The following SGPP2 variants were observed in gnomAD, a reference collection of about 807,000 sequenced individuals.
The protein encoded by SGPP2 is sphingosine 1-phosphate phosphohydrolase 2.
Under a neutral mutation model 33.9 loss-of-function variants are expected in SGPP2, and 30 were observed. That is an observed-to-expected ratio of 0.89 (90% confidence interval 0.66 to 1.20). The LOEUF is 1.20. Among genes scored for constraint, SGPP2 ranks in the 50% most tolerant of loss-of-function variants. SGPP2 has a pLI of 0.00. For synonymous variants in SGPP2, 233 were observed against 225.0 expected, an observed-to-expected ratio of 1.04 and a Z score of -0.32; for missense variants, 458 against 532.1, an observed-to-expected ratio of 0.86 and a Z score of 1.37.
intron 4 of SGPP2, among the ~76,000 whole-genome samples, chr2:222,545,697 T>A (rs1017322724): frequency 6.6e-6 from 1 of 152,170 alleles, no homozygotes; most frequent in African/African-American, 2.4e-5. Flanking sequence ...CAAATACAAT[T>A]GAAAAAGGGA....
At chr2:222,553,429 T>A (rs1322595885) in intron 4 of SGPP2, among the ~76,000 whole-genome samples, 1 of 152,198 alleles carries the variant, frequency 6.6e-6, no homozygotes, top group East Asian at 1.9e-4. Flanking sequence ...GAAGATAGGT[T>A]AATGAAACCC....
chr2:222,486,447 G>A (rs1698109955), intron 2 of SGPP2, among the ~76,000 whole-genome samples: 1 of 152,140 alleles, frequency 6.6e-6, no homozygotes, highest in South Asian at 2.1e-4. Flanking sequence ...CCACAATATG[G>A]CTGCTTATGA....
rs186361005 is a variant in SGPP2, at chr2:222,530,726, T to C, written c.648+5693T>C. Among the ~76,000 whole-genome samples, 1,080 of 152,342 alleles carry C rather than the reference T, an allele frequency of 7.1e-3. 10 individuals carry two copies. Among genetic ancestry groups the C allele is most frequent in the African/African-American group, 0.024 (998 of 41,570 alleles). On this transcript the variant is annotated intron_variant, in intron 4 of 4. Coordinates refer to ENST00000321276, the MANE Select transcript of SGPP2 (RefSeq NM_152386.4). The stretch of plus-strand genomic sequence containing the variant: ...TTTAATTTTCTTATAATTCATGTAT[T>C]CATTGGAGTAGCACTTTTAATTGCC...
At chr2:222,521,088 C>T (rs1698679275) in intron 2 of SGPP2, among the ~76,000 whole-genome samples, 1 of 152,184 alleles carries the variant, frequency 6.6e-6, no homozygotes, top group Admixed American at 6.5e-5. Context: ...CTGAAAATAC[C>T]CATGCCATTT....
intron 4 of SGPP2, among the ~76,000 whole-genome samples, chr2:222,545,589 A>T (rs537797315): frequency 6.6e-6 from 1 of 152,206 alleles, no homozygotes; most frequent in South Asian, 2.1e-4. Flanking sequence ...GCCTTCAAAG[A>T]GCTTATGTCT....
chr2:222,453,524 G>C (rs1697525023), intron 1 of SGPP2, among the ~76,000 whole-genome samples: 2 of 151,700 alleles, frequency 1.3e-5, no homozygotes, highest in Non-Finnish European at 2.9e-5. Context: ...CCCTAAGACA[G>C]CAAAACCAAC....
At chr2:222,450,983 C>T (rs1316014857) in intron 1 of SGPP2, among the ~76,000 whole-genome samples, 1 of 151,950 alleles carries the variant, frequency 6.6e-6, no homozygotes, top group Non-Finnish European at 1.5e-5. Context: ...TAAACAACAA[C>T]CTCTTTGTGA....
intron 2 of SGPP2, among the ~76,000 whole-genome samples, chr2:222,508,864 T>C (rs1006203614): frequency 2.0e-5 from 3 of 152,322 alleles, no homozygotes; most frequent in Admixed American, 1.3e-4. Context: ...TGAGTAGCAC[T>C]GTACTAGTTT....
At chr2:222,556,916 CT>C (rs1192505340) in intron 4 of SGPP2, among the ~76,000 whole-genome samples, 1 of 150,754 alleles carries the variant, frequency 6.6e-6, no homozygotes, top group South Asian at 2.1e-4. Flanking sequence ...ACTCTTACTC[CT>C]TCCCTATCCA....
chr2:222,533,973 T>C (rs1248321760), intron 4 of SGPP2, among the ~76,000 whole-genome samples: 2 of 152,026 alleles, frequency 1.3e-5, no homozygotes, highest in Admixed American at 6.6e-5. Flanking sequence ...GTGGCTCTGA[T>C]TGGCAGCAAA....
At chr2:222,503,946 C>T (rs560386321) in intron 2 of SGPP2, 1 of 152,134 alleles carries the variant, frequency 6.6e-6, no homozygotes, top group South Asian at 2.1e-4. Flanking sequence ...TATGGTCATA[C>T]CAAAAAAACA....
At chr2:222,453,794 G>T (rs1054533306) in intron 1 of SGPP2, among the ~76,000 whole-genome samples, 1 of 152,082 alleles carries the variant, frequency 6.6e-6, no homozygotes, top group Non-Finnish European at 1.5e-5. Flanking sequence ...AAGCTTTTAG[G>T]GAACCAAATG....
chr2:222,529,848 A>G (rs1698814107), intron 4 of SGPP2, among the ~76,000 whole-genome samples: 1 of 152,180 alleles, frequency 6.6e-6, no homozygotes, highest in Admixed American at 6.5e-5. Flanking sequence ...GTCCAGATCT[A>G]TCAGAGGAAT....
chr2:222,424,530 C>T, upstream of SGPP2: 1 of 1,047,778 alleles, frequency 9.5e-7, no homozygotes, highest in Non-Finnish European at 1.2e-6. Context: ...GGGGGCGAGG[C>T]GGGAGTGGCG....
At chr2:222,502,468 G>C (rs1261588253) in intron 2 of SGPP2, among the ~76,000 whole-genome samples, 1 of 152,152 alleles carries the variant, frequency 6.6e-6, no homozygotes, top group Non-Finnish European at 1.5e-5. Context: ...CAGATTTCAG[G>C]ATATTTGCAT....
At chr2:222,473,104 A>G (rs1697873714) in intron 1 of SGPP2, among the ~76,000 whole-genome samples, 1 of 152,250 alleles carries the variant, frequency 6.6e-6, no homozygotes, top group African/African-American at 2.4e-5. Flanking sequence ...CCCAGGAGTG[A>G]GTGAATACAG....
chr2:222,553,701 C>G (rs544640177), intron 4 of SGPP2, among the ~76,000 whole-genome samples: 2 of 152,316 alleles, frequency 1.3e-5, no homozygotes, highest in African/African-American at 4.8e-5. Context: ...GTCCCTCTGC[C>G]AGGGAAGTCT....
intron 2 of SGPP2, chr2:222,504,643 T>G (rs1698417688): frequency 6.6e-6 from 1 of 152,240 alleles, no homozygotes; most frequent in South Asian, 2.1e-4. Flanking sequence ...GAAGGTAGGA[T>G]TTCAATTGAC....
chr2:222,453,021 T>A, intron 1 of SGPP2: 1 of 1,579,994 alleles, frequency 6.3e-7, no homozygotes, highest in East Asian at 2.2e-5. Flanking sequence ...GGTCTTCTGT[T>A]TCTTGACTGG....
Sources: allele counts gnomAD v4.1 joint callset (sites outside exome capture counted in the v4.1 genomes callset), GRCh38; gene constraint gnomAD v4.1.1; transcripts MANE v1.5; gene names NCBI Gene and HGNC (gene_info 2026-07-23, HGNC 2026-07-21).